Variants in ADAMTS18 observed in about 807,000 individuals in gnomAD.
ADAMTS18 encodes the protein ADAM metallopeptidase with thrombospondin type 1 motif 18.
A neutral mutation model predicts 165.9 loss-of-function variants in ADAMTS18; 157 were observed. The ratio of observed to expected loss-of-function variants is 0.95; its 90% confidence interval spans 0.83 to 1.08. The LOEUF (loss-of-function observed/expected upper bound fraction) is 1.08, where lower values mean the gene tolerates loss of function less well. ADAMTS18 is among the 50% of genes least tolerant of loss of function. ADAMTS18 has a pLI of 0.00. For missense variants in ADAMTS18, 2,040 were observed against 1,534.0 expected (o/e 1.33, Z -5.51); for synonymous variants, 782 against 578.2 (o/e 1.35, Z -5.06).
chr16:77,390,399 C>G, intron 3 of ADAMTS18, among the ~76,000 whole-genome samples: 1 of 152,032 alleles, frequency 6.6e-6, no homozygotes, highest in Middle Eastern at 3.2e-3. Context: ...TGCAAAGAAT[C>G]ACCCCGCCCT....
At chr16:77,292,142 T>C (rs1490726599) in intron 20 of ADAMTS18, among the ~76,000 whole-genome samples, 3 of 152,086 alleles carry the variant, frequency 2.0e-5, no homozygotes, top group Admixed American at 1.3e-4. Flanking sequence ...CTCAGCAACA[T>C]GGTGAAACCA....
At chr16:77,286,088 A>C (rs2055245128) in intron 22 of ADAMTS18, among the ~76,000 whole-genome samples, 1 of 152,106 alleles carries the variant, frequency 6.6e-6, no homozygotes, top group Admixed American at 6.6e-5. Flanking sequence ...GTATTGCTTA[A>C]CCACTCTTCA....
At position 77,372,129 on chromosome 16, in the gene ADAMTS18, T is replaced by C. The variant is rs555579156; in HGVS notation, c.496-4406A>G. Among the ~76,000 whole-genome samples, 3 of 152,244 alleles carry C rather than the reference T, an allele frequency of 2.0e-5. No homozygotes were observed. In the South Asian group the frequency reaches 6.2e-4, roughly 32 times the overall value. ...ATCACAATGACAATAAATGCTAGCA[T>C]GGATGTGGAGAAATGAGAACTGCTA... On this transcript the variant is annotated intron_variant, in intron 3 of 22. Coordinates refer to ENST00000282849, the MANE Select transcript of ADAMTS18 (RefSeq NM_199355.4).
At chr16:77,291,773 A>G (rs1480544442) in intron 20 of ADAMTS18, among the ~76,000 whole-genome samples, 1 of 152,238 alleles carries the variant, frequency 6.6e-6, no homozygotes, top group African/African-American at 2.4e-5. Flanking sequence ...GATGGAGTCC[A>G]GGAGAAAGGC....
chr16:77,391,443 G>T (rs1029244303), intron 3 of ADAMTS18, among the ~76,000 whole-genome samples: 3 of 149,726 alleles, frequency 2.0e-5, no homozygotes, highest in Non-Finnish European at 3.0e-5. Flanking sequence ...GTTAAGTCGA[G>T]ATCACACCAC....
At chr16:77,379,721 C>T (rs745918347) in intron 3 of ADAMTS18, among the ~76,000 whole-genome samples, 11 of 152,028 alleles carry the variant, frequency 7.2e-5, no homozygotes, top group Non-Finnish European at 1.2e-4. Flanking sequence ...AAATTCCTGA[C>T]CTCAAGTAAT....
intron 3 of ADAMTS18, among the ~76,000 whole-genome samples, chr16:77,368,033 C>T (rs750204802): frequency 1.2e-4 from 19 of 152,230 alleles, no homozygotes; most frequent in East Asian, 1.9e-4. Flanking sequence ...CGTGCTACCA[C>T]GGCCAAATCA....
intron 16 of ADAMTS18, among the ~76,000 whole-genome samples, chr16:77,304,253 G>C (rs899589049): frequency 6.6e-6 from 1 of 152,102 alleles, no homozygotes; most frequent in African/African-American, 2.4e-5. Context: ...GAGCTCAGAA[G>C]TTCAATATCA....
intron 3 of ADAMTS18, among the ~76,000 whole-genome samples, chr16:77,413,580 T>C (rs1567550336): frequency 1.3e-5 from 2 of 152,206 alleles, no homozygotes; most frequent in Non-Finnish European, 1.5e-5. Context: ...TCAACCCCTC[T>C]ATTAGGGAGG....
At chr16:77,426,399 G>A in intron 3 of ADAMTS18, among the ~76,000 whole-genome samples, 1 of 152,132 alleles carries the variant, frequency 6.6e-6, no homozygotes, top group East Asian at 1.9e-4. Flanking sequence ...GGTATAAACA[G>A]AGTTAAACAG....
At position 77,364,181 on chromosome 16, in the gene ADAMTS18, C is replaced by A. The variant is rs917230582; in HGVS notation, c.972+7G>T. The A allele has an allele frequency of 1.9e-6, 3 of 1,614,086 alleles. No homozygotes were observed. In the East Asian group the frequency reaches 6.7e-5, roughly 36 times the overall value. On this transcript the variant is annotated splice_region_variant and intron_variant, in intron 5 of 22. Coordinates refer to ENST00000282849, the MANE Select transcript of ADAMTS18 (RefSeq NM_199355.4). Reference sequence around the variant, plus strand: ...AGAGCCAGAAGGTTTGTGACACCCCCGCTTACCATGTTCATTACTGTGAGA... The same window carrying A: ...AGAGCCAGAAGGTTTGTGACACCCCAGCTTACCATGTTCATTACTGTGAGA...
At chr16:77,357,177 G>A (rs2056644261) in intron 8 of ADAMTS18, among the ~76,000 whole-genome samples, 2 of 151,932 alleles carry the variant, frequency 1.3e-5, no homozygotes, top group African/African-American at 4.8e-5. Context: ...CATTTATAGA[G>A]TTCGCCTTTG....
At chr16:77,367,777 A>C (rs1442293086) in intron 3 of ADAMTS18, 54 bp from the exon 4 acceptor site, 13 of 1,612,658 alleles carry the variant, frequency 8.1e-6, no homozygotes, top group Non-Finnish European at 1.1e-5. Flanking sequence ...CCCTGTGCCA[A>C]GGGTTGGTTT....
rs191773926 is a variant in ADAMTS18 at position 77,431,528 on chromosome 16, G to T, written c.262C>A (p.Arg88=). The part of the protein sequence containing the change: ...HDILHNGRKK[R]SAQNARSSLH... Reference sequence around the variant, plus strand: ...GAGCTTCTGGCATTCTGCGCCGATCGCTTTTTCCTGCCGTTGTGCAAAATG... The same window carrying T: ...GAGCTTCTGGCATTCTGCGCCGATCTCTTTTTCCTGCCGTTGTGCAAAATG... Residue 88 remains arginine, a synonymous_variant, in exon 3 of 23, where the codon CGA becomes AGA. Coordinates refer to ENST00000282849, the MANE Select transcript of ADAMTS18 (RefSeq NM_199355.4). 6.8e-6 allele frequency: 11 copies of T among 1,614,144 alleles called. No homozygotes were observed. Among genetic ancestry groups the T allele is most frequent in the Non-Finnish European group, 9.3e-6 (11 of 1,180,028 alleles).
chr16:77,321,754 T>C (rs2056002543), intron 14 of ADAMTS18, among the ~76,000 whole-genome samples: 1 of 152,222 alleles, frequency 6.6e-6, no homozygotes, highest in African/African-American at 2.4e-5. Context: ...ACAACTCCTG[T>C]GCAAAGCAGG....
chr16:77,408,515 A>T (rs1567546994), intron 3 of ADAMTS18, among the ~76,000 whole-genome samples: 1 of 152,204 alleles, frequency 6.6e-6, no homozygotes, highest in Non-Finnish European at 1.5e-5. Context: ...ACTTTGAAGA[A>T]ACGAGAATAA....
chr16:77,293,096 C>T lies in ADAMTS18; in HGVS notation c.3169G>A (p.Val1057Ile). 6.2e-7 allele frequency: 1 copy of T among 1,614,080 alleles called. No individual in the cohort carries two copies. Among genetic ancestry groups the T allele is most frequent in the Non-Finnish European group, 8.5e-7 (1 of 1,180,006 alleles). ...RCPKNSRLQWVASSWSECSAT... is the reference protein window; with the variant it reads ...RCPKNSRLQWIASSWSECSAT... ...CATACCTCGCTCCACGAAGAAGCGA[C>T]CCACTGTAGCCGGCTGTTCTTGGGG... The change falls in exon 20 of 23, where the codon GTC becomes ATC. Residue 1057 changes from valine (V) to isoleucine (I), a missense_variant. Transcript: ENST00000282849.
intron 3 of ADAMTS18, among the ~76,000 whole-genome samples, chr16:77,409,950 G>C (rs981391498): frequency 6.6e-6 from 1 of 152,058 alleles, no homozygotes. Flanking sequence ...ATTTGTCTGG[G>C]TGGGATCAAA....
At chr16:77,333,796 G>C (rs907563742) in intron 12 of ADAMTS18, among the ~76,000 whole-genome samples, 4 of 147,880 alleles carry the variant, frequency 2.7e-5, no homozygotes, top group African/African-American at 9.9e-5. Context: ...AATGCTGCTA[G>C]ATAGTATAGT....
Sources: gnomAD v4.1 joint callset for allele counts (sites outside exome capture counted in the v4.1 genomes callset) on GRCh38, gnomAD v4.1.1 for gene constraint, MANE v1.5 for transcripts, NCBI Gene and HGNC (gene_info 2026-07-23, HGNC 2026-07-21) for gene names.